ADAM9: variants seen among roughly 807,000 people sequenced by gnomAD.
The protein encoded by ADAM9 is disintegrin and metalloproteinase domain-containing protein 9.
Under a neutral mutation model 108.1 loss-of-function variants are expected in ADAM9, and 54 were observed. The ratio of observed to expected loss-of-function variants is 0.50; its 90% CI spans 0.40 to 0.63. ADAM9 has a LOEUF of 0.63. Ranked by LOEUF, ADAM9 falls within the 20% of genes least tolerant of loss-of-function variation. The pLI is 0.00. For missense variants in ADAM9, 830 were observed against 997.7 expected, an observed-to-expected ratio of 0.83 and a Z score of 2.26; for synonymous variants, 316 against 336.0, an observed-to-expected ratio of 0.94 and a Z score of 0.65.
rs373850395 is a variant in ADAM9 at position 39,101,901 on chromosome 8, A to T, written c.2337A>T (p.Ala779=). Reference sequence around the variant, plus strand: ...ACAGATTTGCAGTACCAACCTATGCAGCCAAGCAACCTCAGCAGTTCCCAT... The same window carrying T: ...ACAGATTTGCAGTACCAACCTATGCTGCCAAGCAACCTCAGCAGTTCCCAT... The part of the protein sequence containing the change: ...YANRFAVPTY[A]AKQPQQFPSR... The change falls in exon 21 of 22, where the codon GCA becomes GCT. Residue 779 remains alanine (A), a synonymous_variant. Coordinates refer to ENST00000487273, the MANE Select transcript of ADAM9 (RefSeq NM_003816.3). 196 of 1,613,856 alleles carry T rather than the reference A, an allele frequency of 1.2e-4. No individual in the cohort carries two copies. Among genetic ancestry groups the T allele is most frequent in the Non-Finnish European group, 1.6e-4 (187 of 1,179,956 alleles).
intron 20 of ADAM9, among the ~76,000 whole-genome samples, chr8:39,097,376 G>A (rs1564386847): frequency 1.3e-5 from 2 of 150,838 alleles, no homozygotes; most frequent in Admixed American, 6.6e-5. Context: ...GTGCCATCTC[G>A]GCTCATTGCA....
Position 39,105,137 on chromosome 8 carries a change from C to A in ADAM9, c.*1437C>A. On this transcript the variant is annotated 3_prime_UTR_variant, in exon 22 of 22. Coordinates refer to ENST00000487273, the MANE Select transcript of ADAM9 (RefSeq NM_003816.3). Reference sequence around the variant, plus strand: ...ATTTTCAGACTTTTGCCAAAGTGTGCACAATGGCTTTTTGTTAATAAAGAA... The same window carrying A: ...ATTTTCAGACTTTTGCCAAAGTGTGAACAATGGCTTTTTGTTAATAAAGAA... 2.4e-6 allele frequency: 1 copy of A among 421,106 alleles called. No individual in the cohort carries two copies. Among genetic ancestry groups the A allele is most frequent in the South Asian group, 1.8e-5 (1 of 56,286 alleles). The allele number at this position is 421,106 out of a possible 1,614,324, so 26.1% of individuals were successfully genotyped here.
chr8:39,055,728 T>C lies in ADAM9; in HGVS notation c.1547T>C (p.Met516Thr). Residue 516 changes from methionine to threonine, a missense_variant, in exon 14 of 22, where the codon ATG becomes ACG. Met to Thr is a moderately conservative substitution (Grantham distance 81). This residue lies in a region of ADAM9 where 381 missense variants were observed against 539.8 expected (regional missense o/e 0.71). Coordinates refer to ENST00000487273, the MANE Select transcript of ADAM9 (RefSeq NM_003816.3). ...QNNKAYCYNGMCQYYDAQCQV... is the reference protein window; with the variant it reads ...QNNKAYCYNGTCQYYDAQCQV... ...AACAAAGCCTATTGCTACAACGGCA[T>C]GTGCCAGTATTATGATGCTCAATGT... 6.2e-7 allele frequency: 1 copy of C among 1,613,686 alleles called. No homozygotes were observed. Among genetic ancestry groups the C allele is most frequent in the Non-Finnish European group, 8.5e-7 (1 of 1,179,724 alleles).
At chr8:39,062,379 G>A (rs1297129365) in intron 14 of ADAM9, among the ~76,000 whole-genome samples, 1 of 152,178 alleles carries the variant, frequency 6.6e-6, no homozygotes, top group Non-Finnish European at 1.5e-5. Context: ...GTGACTTTCT[G>A]TTTTTATGAT....
intron 18 of ADAM9, among the ~76,000 whole-genome samples, chr8:39,085,722 T>G (rs887073444): frequency 2.0e-5 from 3 of 152,174 alleles, no homozygotes; most frequent in Admixed American, 6.5e-5. Flanking sequence ...GTCTTCCGTA[T>G]ATGTCTTTTT....
chr8:39,044,837 T>G (rs1837563992), intron 12 of ADAM9, among the ~76,000 whole-genome samples: 1 of 152,022 alleles, frequency 6.6e-6, no homozygotes, highest in Admixed American at 6.6e-5. Context: ...ACATATAGTA[T>G]TCCGTGGGGT....
chr8:39,052,357 A>G (rs1311984480), intron 12 of ADAM9, among the ~76,000 whole-genome samples: 1 of 152,056 alleles, frequency 6.6e-6, no homozygotes, highest in Non-Finnish European at 1.5e-5. Flanking sequence ...TTTCTATAAG[A>G]TGGACATAAC....
intron 1 of ADAM9, among the ~76,000 whole-genome samples, chr8:39,004,249 T>C (rs953948106): frequency 9.2e-5 from 14 of 152,166 alleles, no homozygotes; most frequent in African/African-American, 3.1e-4. Flanking sequence ...GGTCTCCCTC[T>C]GTTGCTCAGG....
intron 1 of ADAM9, among the ~76,000 whole-genome samples, chr8:39,002,564 GC>G: frequency 6.6e-6 from 1 of 151,366 alleles, no homozygotes; most frequent in East Asian, 2.0e-4. Flanking sequence ...CTCGTGATCC[GC>G]CTGCCTCGGC....
At chr8:39,097,807 C>G (rs1839558615) in intron 20 of ADAM9, among the ~76,000 whole-genome samples, 1 of 152,158 alleles carries the variant, frequency 6.6e-6, no homozygotes, top group African/African-American at 2.4e-5. Flanking sequence ...TTCTCAAACT[C>G]TTTCTGTACT....
At chr8:39,021,055 A>C (rs895970550) in intron 7 of ADAM9, among the ~76,000 whole-genome samples, 2 of 152,248 alleles carry the variant, frequency 1.3e-5, no homozygotes, top group African/African-American at 4.8e-5. Flanking sequence ...TAAAAGGAAC[A>C]TTAAGAAGAT....
At position 39,104,917 on chromosome 8, in the gene ADAM9, T is replaced by A; in HGVS notation, c.*1217T>A. 2.3e-6 allele frequency: 1 copy of A among 428,998 alleles called. No homozygotes were observed. The highest frequency in any genetic ancestry group is 4.5e-6 in the Non-Finnish European group (1 of 220,160). The allele number at this position is 428,998 out of a possible 1,614,324, so 26.6% of individuals were successfully genotyped here. The stretch of plus-strand genomic sequence containing the variant: ...TAATAGGTTTATTAACTGAATTTCA[T>A]TAGTTTTTTAAAAGTGTTTTTGGTT... On this transcript the variant is annotated 3_prime_UTR_variant, in exon 22 of 22. Coordinates refer to ENST00000487273, the MANE Select transcript of ADAM9 (RefSeq NM_003816.3).
intron 20 of ADAM9, among the ~76,000 whole-genome samples, chr8:39,092,663 C>G (rs897806218): frequency 2.0e-5 from 3 of 150,772 alleles, no homozygotes; most frequent in African/African-American, 7.3e-5. Context: ...TATTTACCAT[C>G]TTAACAATTT....
rs1357885076 is a variant in ADAM9, at chr8:39,035,934, A to C, written c.1131-6012A>C. On this transcript the variant is annotated intron_variant, in intron 11 of 21. Transcript: ENST00000487273. ...TTTCCTCAGATTCCTTTTTACTACC[A>C]AGCTGATATTAAACTTTCTTTTTTT... Among the ~76,000 whole-genome samples the C allele has an allele frequency of 4.6e-5, 7 of 152,164 alleles. No individual in the cohort carries two copies. The East Asian group carries it at 1.2e-3, about 25-fold the overall frequency.
intron 12 of ADAM9, among the ~76,000 whole-genome samples, chr8:39,053,411 G>T (rs1349867596): frequency 6.6e-6 from 1 of 152,066 alleles, no homozygotes; most frequent in Non-Finnish European, 1.5e-5. Flanking sequence ...CAGTTGCAAA[G>T]GTTTTCTCCT....
At chr8:39,088,664 A>C (rs1839251758) in intron 18 of ADAM9, among the ~76,000 whole-genome samples, 1 of 152,230 alleles carries the variant, frequency 6.6e-6, no homozygotes, top group South Asian at 2.1e-4. Flanking sequence ...TCAAAAGAAC[A>C]CAGAACAGAT....
chr8:39,012,835 T>C (rs567370068), intron 3 of ADAM9, among the ~76,000 whole-genome samples: 3 of 152,228 alleles, frequency 2.0e-5, no homozygotes, highest in South Asian at 4.1e-4. Flanking sequence ...TTAGGAGATA[T>C]ACCTAATGTA....
At position 39,023,326 on chromosome 8, in the gene ADAM9, G is replaced by A. The variant is rs113730355; in HGVS notation, c.914+1G>A. The A allele has an allele frequency of 2.5e-6, 4 of 1,607,018 alleles. No homozygotes were observed. Among genetic ancestry groups the A allele is most frequent in the Non-Finnish European group, 2.5e-6 (3 of 1,177,442 alleles). On this transcript the variant is annotated splice_donor_variant, in intron 9 of 21. Transcript: ENST00000487273. LOFTEE classifies it high-confidence loss of function. The stretch of plus-strand genomic sequence containing the variant: ...GACATGACAGTGCACAGCTAGTTCT[G>A]TAAGTATTTTTTTTTTAAGTACTAT...
At chr8:39,027,456 G>A (rs1836958472) in intron 11 of ADAM9, among the ~76,000 whole-genome samples, 1 of 152,186 alleles carries the variant, frequency 6.6e-6, no homozygotes, top group South Asian at 2.1e-4. Flanking sequence ...ACTCATCAGT[G>A]AAATGAGGTG....
Sources: allele counts gnomAD v4.1 joint callset (sites outside exome capture counted in the v4.1 genomes callset), GRCh38; gene constraint gnomAD v4.1.1; regional missense constraint gnomAD v4.1.1; transcripts MANE v1.5; gene names NCBI Gene and HGNC (gene_info 2026-07-23, HGNC 2026-07-21).